Variants in CPLX2 observed in about 807,000 individuals in gnomAD.
The protein encoded by CPLX2 is complexin 2.
Under a neutral mutation model 16.3 loss-of-function variants are expected in CPLX2, and 5 were observed. The ratio of observed to expected loss-of-function variants is 0.31; its 90% CI spans 0.16 to 0.64. The LOEUF is 0.64. Ranked by LOEUF, CPLX2 falls within the 30% of genes least tolerant of loss-of-function variation. The pLI, the probability that CPLX2 is intolerant of heterozygous loss-of-function variation, is 0.79. For synonymous variants in CPLX2, 89 were observed against 73.2 expected (o/e 1.22, Z -1.10); for missense variants, 144 against 181.4 (o/e 0.79, Z 1.18).
At chr5:175,817,374 C>T (rs2382122) in intron 2 of CPLX2, among the ~76,000 whole-genome samples, 21,580 of 152,194 alleles carry the variant, frequency 0.14, 1,728 homozygotes, top group African/African-American at 0.21. Context: ...TGAACAACTG[C>T]GCATAGTCTC....
chr5:175,867,438 C>T (rs914224604), upstream of CPLX2, among the ~76,000 whole-genome samples: 6 of 152,166 alleles, frequency 3.9e-5, no homozygotes, highest in African/African-American at 7.2e-5. Context: ...CAGACATACA[C>T]CAATATACAG....
At chr5:175,835,884 G>A (rs560614523) in intron 2 of CPLX2, among the ~76,000 whole-genome samples, 5 of 151,798 alleles carry the variant, frequency 3.3e-5, no homozygotes, top group East Asian at 3.9e-4. Context: ...GACTACAGGT[G>A]TGCACCATCA....
chr5:175,854,881 G>A (rs938514980), intron 2 of CPLX2, among the ~76,000 whole-genome samples: 4 of 152,302 alleles, frequency 2.6e-5, no homozygotes, highest in East Asian at 1.9e-4. Flanking sequence ...CCAGGTACCC[G>A]CCATGGGCCA....
At chr5:175,834,715 A>G (rs971528521) in intron 2 of CPLX2, among the ~76,000 whole-genome samples, 1 of 152,170 alleles carries the variant, frequency 6.6e-6, no homozygotes, top group African/African-American at 2.4e-5. Context: ...TCTACTAAAA[A>G]TACAAAAAAT....
intron 1 of CPLX2, among the ~76,000 whole-genome samples, chr5:175,876,403 G>T (rs1419314422): frequency 1.3e-5 from 2 of 152,148 alleles, no homozygotes; most frequent in Non-Finnish European, 2.9e-5. Context: ...GAGTTATGGG[G>T]AAGAGACAGG....
intron 2 of CPLX2, among the ~76,000 whole-genome samples, chr5:175,847,640 G>A (rs1470856725): frequency 6.6e-6 from 1 of 152,214 alleles, no homozygotes; most frequent in Non-Finnish European, 1.5e-5. Flanking sequence ...TAGAGAGAAC[G>A]GGAGGTCCTG....
chr5:175,801,924 T>TA (rs577229238), intron 1 of CPLX2, among the ~76,000 whole-genome samples: 14 of 152,156 alleles, frequency 9.2e-5, no homozygotes, highest in South Asian at 6.2e-4. Flanking sequence ...GAGAGGAAGA[T>TA]AAAATCCAAA....
intron 1 of CPLX2, among the ~76,000 whole-genome samples, chr5:175,876,018 GA>G (rs908174071): frequency 6.6e-6 from 1 of 152,090 alleles, no homozygotes; most frequent in African/African-American, 2.4e-5. Flanking sequence ...TGGTGATACA[GA>G]AATGGCATGT....
chr5:175,869,314 T>A (rs1383287891), upstream of CPLX2, among the ~76,000 whole-genome samples: 2 of 152,224 alleles, frequency 1.3e-5, no homozygotes, highest in Non-Finnish European at 2.9e-5. Flanking sequence ...GACTCAAAGA[T>A]GCTTGGGTTC....
At chr5:175,855,541 A>G (rs980745075) in intron 2 of CPLX2, among the ~76,000 whole-genome samples, 2 of 152,006 alleles carry the variant, frequency 1.3e-5, no homozygotes, top group Admixed American at 6.5e-5. Context: ...GGCTTGATCC[A>G]GGAGCTCAAA....
intron 2 of CPLX2, among the ~76,000 whole-genome samples, chr5:175,840,085 T>C (rs932741628): frequency 7.9e-5 from 12 of 152,246 alleles, no homozygotes; most frequent in African/African-American, 2.7e-4. Flanking sequence ...CATTTCTTTT[T>C]CGAACAAAGG....
rs1561793326 is a variant in CPLX2 at position 175,878,991 on chromosome 5, G to A, written c.115G>A (p.Glu39Lys). ...DAQKKEEERQEALRQQEEERK... is the reference protein window; with the variant it reads ...DAQKKEEERQKALRQQEEERK... Reference sequence around the variant, plus strand: ...GCAGAAAAAGGAGGAGGAGCGGCAGGAGGCGCTGCGGCAGCAGGAGGAGGA... The same window carrying A: ...GCAGAAAAAGGAGGAGGAGCGGCAGAAGGCGCTGCGGCAGCAGGAGGAGGA... The change falls in exon 3 of 4, where the codon GAG (glutamate) becomes AAG (lysine). Residue 39 changes from glutamate to lysine, a missense_variant. By Grantham distance (56) the Glu-to-Lys change is moderately conservative. Transcript: ENST00000393745. The A allele has an allele frequency of 1.2e-6, 2 of 1,601,512 alleles. No individual in the cohort carries two copies. The highest frequency in any genetic ancestry group is 1.7e-6 in the Non-Finnish European group (2 of 1,174,396).
At chr5:175,859,675 T>C (rs1759325701) in intron 2 of CPLX2, among the ~76,000 whole-genome samples, 1 of 152,184 alleles carries the variant, frequency 6.6e-6, no homozygotes, top group Non-Finnish European at 1.5e-5. Context: ...ATATGAACTG[T>C]GGATATGATG....
At chr5:175,857,773 G>C (rs1252572938) in intron 2 of CPLX2, among the ~76,000 whole-genome samples, 2 of 152,184 alleles carry the variant, frequency 1.3e-5, no homozygotes, top group Non-Finnish European at 2.9e-5. Flanking sequence ...TTAATTGCCT[G>C]TCCACTCCCA....
chr5:175,836,206 T>C (rs113048979), intron 2 of CPLX2, among the ~76,000 whole-genome samples: 8,182 of 151,970 alleles, frequency 0.054, 279 homozygotes, highest in South Asian at 0.14. Flanking sequence ...AAAAATTAGC[T>C]GGGCGTGGTG....
At chr5:175,810,605 A>G (rs1363776887) in intron 2 of CPLX2, among the ~76,000 whole-genome samples, 1 of 152,168 alleles carries the variant, frequency 6.6e-6, no homozygotes, top group East Asian at 1.9e-4. Context: ...CTCAGTACCA[A>G]TTCCTGGGGA....
At chr5:175,860,435 A>AG (rs200368192) in intron 2 of CPLX2, among the ~76,000 whole-genome samples, 4,020 of 146,106 alleles carry the variant, frequency 0.028, 210 homozygotes, top group African/African-American at 0.1. Flanking sequence ...GAAGGAAGGA[A>AG]GAAAGAGAAA....
intron 2 of CPLX2, among the ~76,000 whole-genome samples, chr5:175,848,906 T>C (rs965874111): frequency 6.6e-6 from 1 of 152,008 alleles, no homozygotes; most frequent in Admixed American, 6.6e-5. Context: ...AGGGAGTCCG[T>C]GTGGCTGAAG....
At chr5:175,834,702 G>A (rs1758794158) in intron 2 of CPLX2, among the ~76,000 whole-genome samples, 2 of 152,076 alleles carry the variant, frequency 1.3e-5, no homozygotes, top group Non-Finnish European at 2.9e-5. Flanking sequence ...GTGAAACCTG[G>A]TCTCTACTAA....
Sources: allele counts gnomAD v4.1 joint callset (sites outside exome capture counted in the v4.1 genomes callset), GRCh38; gene constraint gnomAD v4.1.1; transcripts MANE v1.5; gene names NCBI Gene and HGNC (gene_info 2026-07-23, HGNC 2026-07-21).